SKIC3: variants seen among roughly 807,000 people sequenced by gnomAD.
SKIC3 encodes the protein superkiller complex protein 3.
chr5:95,530,288 C>A, the SKIC3 span: 12 of 1,589,916 alleles, frequency 7.5e-6, no homozygotes, highest in African/African-American at 1.2e-4. Flanking sequence ...ATGCCCAAAC[C>A]CATATTCTTA....
At chr5:95,537,178 T>G in the SKIC3 span, 1 of 1,530,926 alleles carries the variant, frequency 6.5e-7, no homozygotes, top group South Asian at 1.1e-5. Flanking sequence ...TGTATCATAC[T>G]TAAATGACAA....
the SKIC3 span, chr5:95,516,597 C>T: frequency 4.7e-5 from 76 of 1,613,004 alleles, no homozygotes; most frequent in Middle Eastern, 1.6e-4. Flanking sequence ...CTGAAAAATA[C>T]AAAACCTGAT....
chr5:95,538,518 C>A, the SKIC3 span, among the ~76,000 whole-genome samples: 1 of 152,100 alleles, frequency 6.6e-6, no homozygotes, highest in African/African-American at 2.4e-5. Context: ...AAGAAATGAA[C>A]TTCCTATCCT....
the SKIC3 span, chr5:95,521,371 G>C: frequency 6.6e-6 from 1 of 152,602 alleles, no homozygotes; most frequent in Non-Finnish European, 1.5e-5. Context: ...CTATTTATGT[G>C]CTCACTTCAG....
chr5:95,506,873 A>G, the SKIC3 span: 2 of 1,546,822 alleles, frequency 1.3e-6, no homozygotes, highest in South Asian at 2.2e-5. Context: ...CAGCAGTCCC[A>G]TAGCTTTCAC....
the SKIC3 span, among the ~76,000 whole-genome samples, chr5:95,501,649 C>G: frequency 6.6e-6 from 1 of 151,320 alleles, no homozygotes; most frequent in South Asian, 2.1e-4. Context: ...CATAAAACAT[C>G]GGGGTAAAGG....
At chr5:95,546,952 G>T in the SKIC3 span, 2 of 1,063,286 alleles carry the variant, frequency 1.9e-6, no homozygotes, top group Middle Eastern at 2.9e-4. Context: ...CTACTAAATG[G>T]CCTTACCACT....
chr5:95,475,707 C>G, the SKIC3 span, among the ~76,000 whole-genome samples: 1 of 152,116 alleles, frequency 6.6e-6, no homozygotes, highest in Non-Finnish European at 1.5e-5. Context: ...TGGATGCTTC[C>G]AAAGAGCCAG....
chr5:95,492,978 T>C, the SKIC3 span, among the ~76,000 whole-genome samples: 1 of 152,086 alleles, frequency 6.6e-6, no homozygotes, highest in Non-Finnish European at 1.5e-5. Context: ...TAAGATAATA[T>C]ATAAACTACA....
At chr5:95,541,527 CA>C in the SKIC3 span, 1 of 810,236 alleles carries the variant, frequency 1.2e-6, no homozygotes. Flanking sequence ...TTTCATACTA[CA>C]GTAAAATTTT....
At chr5:95,469,182 A>C in the SKIC3 span, among the ~76,000 whole-genome samples, 1 of 152,224 alleles carries the variant, frequency 6.6e-6, no homozygotes, top group African/African-American at 2.4e-5. Context: ...TCAAAATATT[A>C]AAGTATTCTT....
chr5:95,549,707 G>A, the SKIC3 span, among the ~76,000 whole-genome samples: 34 of 151,676 alleles, frequency 2.2e-4, no homozygotes, highest in African/African-American at 7.5e-4. Context: ...AAAATAATCT[G>A]CCCCTTTTCA....
At chr5:95,531,517 A>T in the SKIC3 span, among the ~76,000 whole-genome samples, 1 of 152,010 alleles carries the variant, frequency 6.6e-6, no homozygotes, top group Non-Finnish European at 1.5e-5. Context: ...TACACCCTAT[A>T]CCCTCCCAAG....
At chr5:95,528,676 G>A in the SKIC3 span, among the ~76,000 whole-genome samples, 726 of 152,096 alleles carry the variant, frequency 4.8e-3, 3 homozygotes, top group African/African-American at 0.016. Flanking sequence ...CTCTATATGA[G>A]AGAAATTAAG....
the SKIC3 span, among the ~76,000 whole-genome samples, chr5:95,481,276 C>T: frequency 2.6e-5 from 4 of 151,946 alleles, no homozygotes; most frequent in Admixed American, 1.3e-4. Context: ...GGAGGTCTTT[C>T]CTGTGCTGTT....
the SKIC3 span, among the ~76,000 whole-genome samples, chr5:95,524,062 A>G: frequency 6.6e-6 from 1 of 152,166 alleles, no homozygotes; most frequent in Admixed American, 6.6e-5. Context: ...GTTTTTTGGT[A>G]AAGGAAATGT....
the SKIC3 span, among the ~76,000 whole-genome samples, chr5:95,538,399 G>A: frequency 6.6e-6 from 1 of 151,992 alleles, no homozygotes; most frequent in African/African-American, 2.4e-5. Context: ...TTTATCCCCA[G>A]CTCTTAGGAC....
chr5:95,543,819 T>A, the SKIC3 span, among the ~76,000 whole-genome samples: 1 of 152,186 alleles, frequency 6.6e-6, no homozygotes, highest in African/African-American at 2.4e-5. Context: ...ATACCAAATA[T>A]GTTCAAAATA....
At chr5:95,509,739 C>T in the SKIC3 span, 1 of 1,207,498 alleles carries the variant, frequency 8.3e-7, no homozygotes, top group Non-Finnish European at 1.2e-6. Flanking sequence ...ATGGTATTAA[C>T]AAAATATTCG....
Sources: gnomAD v4.1 joint callset for allele counts (sites outside exome capture counted in the v4.1 genomes callset) on GRCh38, gnomAD v4.1.1 for gene constraint, MANE v1.5 for transcripts, NCBI Gene and HGNC (gene_info 2026-07-23, HGNC 2026-07-21) for gene names.